ROS1: variants seen among roughly 807,000 people sequenced by gnomAD.
ROS1 encodes the protein proto-oncogene tyrosine-protein kinase ROS.
A neutral mutation model predicts 273.5 loss-of-function variants in ROS1; 263 were observed. That is an observed-to-expected ratio of 0.96 (90% CI 0.87 to 1.06). The LOEUF (loss-of-function observed/expected upper bound fraction) is 1.06. Ranked by LOEUF, ROS1 falls within the 50% of genes least tolerant of loss-of-function variation. ROS1 has a pLI of 0.00. For synonymous variants in ROS1, 1,008 were observed against 954.1 expected, an observed-to-expected ratio of 1.06 and a Z score of -1.04; for missense variants, 2,833 against 2,751.1, an observed-to-expected ratio of 1.03 and a Z score of -0.67.
rs2128581801 is a variant in ROS1, at chr6:117,326,288, T to C, written c.5475A>G (p.Val1825=). ...CACCAAACCCTAGATTATTTGCAGC[T>C]ACTACTCTGAACTGAAATATTCCTT... ...NLKGIFQFRV[V]AANNLGFGEY... Residue 1825 remains valine, a synonymous_variant, in exon 34 of 44, where the codon GTA becomes GTG. Transcript: ENST00000368507. 6.2e-7 allele frequency: 1 copy of C among 1,602,270 alleles called. No homozygotes were observed.
chr6:117,317,046 G>T, intron 39 of ROS1, 97 bp downstream of exon 39: 1 of 1,280,430 alleles, frequency 7.8e-7, no homozygotes, highest in Non-Finnish European at 1.1e-6. Context: ...GTCTTCTAAG[G>T]TTTTACCACT....
intron 37 of ROS1, among the ~76,000 whole-genome samples, chr6:117,319,119 T>C (rs1776108332): frequency 6.6e-6 from 1 of 152,166 alleles, no homozygotes; most frequent in South Asian, 2.1e-4. Context: ...GAGATCAGGA[T>C]ATTGCTCAAT....
At chr6:117,378,926 A>G (rs1161114733) in intron 18 of ROS1, 133 bp downstream of exon 18, 1 of 611,546 alleles carries the variant, frequency 1.6e-6, no homozygotes, top group Non-Finnish European at 2.9e-6. Flanking sequence ...TCTTTACCCT[A>G]CAAGCCCAAT....
intron 1 of ROS1, among the ~76,000 whole-genome samples, chr6:117,419,006 G>T (rs1272086129): frequency 6.6e-6 from 1 of 152,178 alleles, no homozygotes. Context: ...TCTATAAATT[G>T]CTCGTTATCT....
intron 33 of ROS1, chr6:117,328,837 A>G (rs765030779): frequency 6.5e-6 from 4 of 613,058 alleles, no homozygotes; most frequent in South Asian, 4.2e-5. Context: ...GCAAACTGTA[A>G]TCTTCCCAAT....
At chr6:117,377,526 A>C (rs983221045) in intron 18 of ROS1, among the ~76,000 whole-genome samples, 1 of 152,222 alleles carries the variant, frequency 6.6e-6, no homozygotes, top group African/African-American at 2.4e-5. Flanking sequence ...AGAAAACTTT[A>C]ACTCATATCT....
chr6:117,356,085 A>G (rs1326425886), intron 26 of ROS1, among the ~76,000 whole-genome samples: 1 of 152,226 alleles, frequency 6.6e-6, no homozygotes, highest in African/African-American at 2.4e-5. Flanking sequence ...TATTTATTCT[A>G]CAAGCATCTG....
intron 5 of ROS1, 113 bp downstream of exon 5, chr6:117,409,469 A>G: frequency 2.6e-6 from 2 of 759,444 alleles, no homozygotes; most frequent in South Asian, 3.0e-5. Context: ...ATTTTTGATC[A>G]TATTGAGATG....
At chr6:117,304,583 T>G (rs140761570) in intron 42 of ROS1, among the ~76,000 whole-genome samples, 1 of 152,302 alleles carries the variant, frequency 6.6e-6, no homozygotes, top group African/African-American at 2.4e-5. Flanking sequence ...TTTTAAATTG[T>G]ATGCCATTCT....
At position 117,308,738 on chromosome 6, in the gene ROS1, T is replaced by C. The variant is rs1011223024; in HGVS notation, c.6551+56A>G. 1.8e-5 allele frequency: 28 copies of C among 1,565,236 alleles called. No homozygotes were observed. In the African/African-American group the frequency reaches 3.6e-4, roughly 20 times the overall value. ...ACAAACTATATCAAGAGGCCTAAGA[T>C]TGTATGTGCACATGTTTTTGTTTGG... On this transcript the variant is annotated intron_variant, in intron 42 of 43. Transcript: ENST00000368507.
At chr6:117,358,743 A>T (rs1265814561) in intron 24 of ROS1, among the ~76,000 whole-genome samples, 1 of 152,150 alleles carries the variant, frequency 6.6e-6, no homozygotes, top group East Asian at 1.9e-4. Flanking sequence ...TACAGGTGTG[A>T]ATCACTGTGT....
rs536757097 is a variant in ROS1 at position 117,309,136 on chromosome 6, G to A, written c.6417-208C>T. Among the ~76,000 whole-genome samples, 3 of 152,292 alleles carry A rather than the reference G, an allele frequency of 2.0e-5. No individual in the cohort carries two copies. In the South Asian group the frequency reaches 6.2e-4, roughly 32 times the overall value. On this transcript the variant is annotated intron_variant, in intron 41 of 43. Transcript: ENST00000368507. The stretch of plus-strand genomic sequence containing the variant: ...GCGTATGAGCAAATACTTCAAAGGT[G>A]ATAGGAAGGCTTGGAGGAGGCACAC...
intron 12 of ROS1, among the ~76,000 whole-genome samples, chr6:117,391,715 T>C (rs1437133646): frequency 6.6e-6 from 1 of 152,160 alleles, no homozygotes; most frequent in Non-Finnish European, 1.5e-5. Context: ...GCCCTGGAGC[T>C]AGAAGTCCTG....
intron 42 of ROS1, among the ~76,000 whole-genome samples, chr6:117,303,869 T>C (rs1488079335): frequency 1.3e-5 from 2 of 152,092 alleles, no homozygotes; most frequent in Non-Finnish European, 2.9e-5. Context: ...CCAGAAATCA[T>C]TATAGGTATT....
chr6:117,381,155 C>A (rs911820693), intron 17 of ROS1, among the ~76,000 whole-genome samples: 18 of 150,034 alleles, frequency 1.2e-4, no homozygotes, highest in African/African-American at 4.4e-4. Context: ...CAGCACTTGA[C>A]AACCTGGGAG....
At chr6:117,365,820 T>C in intron 19 of ROS1, 79 bp from the exon 20 acceptor site, 1 of 1,111,504 alleles carries the variant, frequency 9.0e-7, no homozygotes, top group South Asian at 1.7e-5. Flanking sequence ...AGAAAATCAA[T>C]AGCAATTACT....
At chr6:117,309,905 G>A (rs1013030871) in intron 41 of ROS1, among the ~76,000 whole-genome samples, 176 bp downstream of exon 41, 42 of 152,060 alleles carry the variant, frequency 2.8e-4, no homozygotes, top group Admixed American at 2.8e-3. Context: ...AAACTGCTGA[G>A]ACCCAGGAAT....
At chr6:117,373,582 C>T (rs1044042436) in intron 18 of ROS1, among the ~76,000 whole-genome samples, 5 of 152,222 alleles carry the variant, frequency 3.3e-5, no homozygotes, top group Non-Finnish European at 7.3e-5. Flanking sequence ...GCTCTGAGTG[C>T]GGGGCCCGCC....
At chr6:117,422,403 T>C (rs1326354996) in intron 1 of ROS1, among the ~76,000 whole-genome samples, 2 of 152,192 alleles carry the variant, frequency 1.3e-5, no homozygotes, top group African/African-American at 4.8e-5. Flanking sequence ...TAGCAACTCA[T>C]TGGTTTGAAT....
Sources: gnomAD v4.1 joint callset for allele counts (sites outside exome capture counted in the v4.1 genomes callset) on GRCh38, gnomAD v4.1.1 for gene constraint, MANE v1.5 for transcripts, NCBI Gene and HGNC (gene_info 2026-07-23, HGNC 2026-07-21) for gene names.